ZBTB38: variants seen among roughly 807,000 people sequenced by gnomAD.
ZBTB38 encodes the protein zinc finger and BTB domain containing 38.
ZBTB38 carries 20 observed loss-of-function variants against 76.8 expected under a neutral mutation model. The ratio of observed to expected loss-of-function variants is 0.26; its 90% CI spans 0.18 to 0.38. ZBTB38 has a LOEUF of 0.38. ZBTB38 is among the 10% of genes least tolerant of loss of function. The pLI, the probability that ZBTB38 is intolerant of heterozygous loss-of-function variation, is 1.00. For missense variants in ZBTB38, 1,082 were observed against 1,482.3 expected (o/e 0.73, Z 4.43); for synonymous variants, 504 against 544.2 (o/e 0.93, Z 1.03).
intron 1 of ZBTB38, among the ~76,000 whole-genome samples, chr3:141,326,870 G>A (rs893770342): frequency 6.6e-5 from 10 of 152,138 alleles, no homozygotes; most frequent in African/African-American, 2.2e-4. Context: ...GGCCAGGCTC[G>A]TTTGTGGCAC....
chr3:141,431,339 A>ATATAT (rs35348152), intron 5 of ZBTB38, among the ~76,000 whole-genome samples: 3 of 102,406 alleles, frequency 2.9e-5, no homozygotes, highest in Non-Finnish European at 5.3e-5. Flanking sequence ...AAAAAAAAAA[A>ATATAT]AAATATATAT....
At position 141,357,659 on chromosome 3, in the gene ZBTB38, A is replaced by G. The variant is rs1028030500; in HGVS notation, c.-738-10962A>G. Among the ~76,000 whole-genome samples, 5 of 152,228 alleles carry G rather than the reference A, an allele frequency of 3.3e-5. 1 individual carries two copies. In the South Asian group the frequency reaches 1.0e-3, roughly 32 times the overall value. ...ATTCTCCTGCCTCGGCCTCCTGAGT[A>G]GCTGGGACTACAGGCACCCGCCACC... On this transcript the variant is annotated intron_variant, in intron 1 of 7. Coordinates refer to the ZBTB38 transcript ENST00000509842.
intron 1 of ZBTB38, among the ~76,000 whole-genome samples, chr3:141,329,200 C>T (rs1942767519): frequency 6.6e-6 from 1 of 152,230 alleles, no homozygotes; most frequent in African/African-American, 2.4e-5. Context: ...TTCTTAAGCA[C>T]TTAGCATAGT....
chr3:141,406,831 G>A (rs1165522857), intron 5 of ZBTB38, among the ~76,000 whole-genome samples: 1 of 152,186 alleles, frequency 6.6e-6, no homozygotes, highest in Non-Finnish European at 1.5e-5. Flanking sequence ...ACCGTGGAAG[G>A]TGAGGGATGA....
chr3:141,410,549 A>G (rs1956286944), intron 5 of ZBTB38, among the ~76,000 whole-genome samples: 1 of 152,206 alleles, frequency 6.6e-6, no homozygotes, highest in South Asian at 2.1e-4. Context: ...AGTCAGCAGC[A>G]AAGCTTAAAG....
intron 5 of ZBTB38, among the ~76,000 whole-genome samples, chr3:141,430,509 G>A (rs1374692989): frequency 6.6e-6 from 1 of 152,220 alleles, no homozygotes; most frequent in Non-Finnish European, 1.5e-5. Context: ...CCTGCCAGGT[G>A]CCATGGACCA....
chr3:141,405,637 T>C (rs1954094317), intron 5 of ZBTB38: 1 of 152,220 alleles, frequency 6.6e-6, no homozygotes, highest in East Asian at 1.9e-4. Context: ...AGAAATCAAA[T>C]CGCAAGACTT....
intron 1 of ZBTB38, among the ~76,000 whole-genome samples, chr3:141,350,700 T>C (rs1444888055): frequency 6.6e-6 from 1 of 152,254 alleles, no homozygotes; most frequent in African/African-American, 2.4e-5. Flanking sequence ...AATTGATATA[T>C]GAGTCAAAAG....
At chr3:141,374,043 T>C (rs972052985) in intron 2 of ZBTB38, among the ~76,000 whole-genome samples, 3 of 151,950 alleles carry the variant, frequency 2.0e-5, no homozygotes, top group Admixed American at 1.3e-4. Context: ...GGTATGAGAA[T>C]TGGTTGAACC....
rs368103729 is a variant in ZBTB38, at chr3:141,331,046, G to C, written c.-739+6590G>C. On this transcript the variant is annotated intron_variant, in intron 1 of 7. Transcript: ENST00000509842. Reference sequence around the variant, plus strand: ...CCCCATGTCTCCAGATCCTTATAATGATCAAAGAGAAGATATATGTAGAGT... The same window carrying C: ...CCCCATGTCTCCAGATCCTTATAATCATCAAAGAGAAGATATATGTAGAGT... Among the ~76,000 whole-genome samples, 454 of 152,312 alleles carry C rather than the reference G, an allele frequency of 3.0e-3. 5 individuals are homozygous for C. Among genetic ancestry groups the C allele is most frequent in the African/African-American group, 0.01 (418 of 41,570 alleles).
At chr3:141,440,804 G>A (rs2079966278) in intron 5 of ZBTB38, among the ~76,000 whole-genome samples, 1 of 152,156 alleles carries the variant, frequency 6.6e-6, no homozygotes, top group Non-Finnish European at 1.5e-5. Flanking sequence ...GGGAGGCTGA[G>A]GCGGGCAGAT....
At chr3:141,420,357 GC>G (rs2075085576) in intron 5 of ZBTB38, among the ~76,000 whole-genome samples, 1 of 152,190 alleles carries the variant, frequency 6.6e-6, no homozygotes, top group Non-Finnish European at 1.5e-5. Flanking sequence ...CCAAAGACCA[GC>G]CCAGAGACCA....
In ZBTB38 at chr3:141,444,327, G is replaced by A; in HGVS notation, c.1939G>A (p.Val647Ile). 6.2e-7 allele frequency: 1 copy of A among 1,614,190 alleles called. No individual in the cohort carries two copies. Among genetic ancestry groups the A allele is most frequent in the Non-Finnish European group, 8.5e-7 (1 of 1,180,038 alleles). The stretch of plus-strand genomic sequence containing the variant: ...TCAGGACATACCCACTTCTGCCAAT[G>A]TACAAAATGCAGAGGGTACCAAATG... ...ACQDIPTSANVQNAEGTKWGE... is the reference protein window; with the variant it reads ...ACQDIPTSANIQNAEGTKWGE... Residue 647 changes from valine (V) to isoleucine (I), a missense_variant, in exon 6 of 6, where the codon GTA becomes ATA. By Grantham distance (29) the Val-to-Ile change is conservative. Coordinates refer to ENST00000321464, the MANE Select transcript of ZBTB38 (RefSeq NM_001376113.1). This position sits in a 1 kb window ranked among gnomAD's most constrained non-coding sequence, Gnocchi z 5.1.
intron 3 of ZBTB38, among the ~76,000 whole-genome samples, chr3:141,381,806 T>C (rs1204613331): frequency 6.6e-6 from 1 of 152,184 alleles, no homozygotes; most frequent in African/African-American, 2.4e-5. Context: ...CTTGGCCTAC[T>C]TGACCTAGAA....
intron 1 of ZBTB38, among the ~76,000 whole-genome samples, chr3:141,355,247 C>G (rs1559918282): frequency 6.6e-6 from 1 of 152,104 alleles, no homozygotes; most frequent in Non-Finnish European, 1.5e-5. Flanking sequence ...AAGAATGTCA[C>G]ATTCCTGTAC....
At position 141,445,740 on chromosome 3, in the gene ZBTB38, C is replaced by T. The variant is rs1382678585; in HGVS notation, c.3352C>T (p.Arg1118Trp). Reference protein sequence around the residue: ...TKRNHEQRHIREHNGKGYACF... With the variant: ...TKRNHEQRHIWEHNGKGYACF... ...AAGGAATCACGAGCAGAGGCATATTCGGGAGCATAATGGGAAGGGCTATGC... is the reference window on the plus strand; with the variant it reads ...AAGGAATCACGAGCAGAGGCATATTTGGGAGCATAATGGGAAGGGCTATGC... The change falls in exon 6 of 6, where the codon CGG (arginine) becomes TGG (tryptophan). Residue 1118 changes from arginine (R) to tryptophan (W), a missense_variant. Physicochemically the swap from Arg to Trp is moderately radical, Grantham distance 101. This residue lies in a region of ZBTB38 where 69 missense variants were observed against 148.2 expected (regional missense o/e 0.47). Transcript: ENST00000321464. This position sits in a 1 kb window ranked among gnomAD's most constrained non-coding sequence, Gnocchi z 6.5. 5.0e-6 allele frequency: 8 copies of T among 1,614,204 alleles called. No homozygotes were observed. Among genetic ancestry groups the T allele is most frequent in the South Asian group, 2.2e-5 (2 of 91,084 alleles).
chr3:141,439,907 GA>G (rs1054789639), intron 5 of ZBTB38, among the ~76,000 whole-genome samples: 3 of 152,186 alleles, frequency 2.0e-5, no homozygotes, highest in African/African-American at 7.2e-5. Context: ...GCCCAGAGCC[GA>G]GAGACTTGAA....
Position 141,443,113 on chromosome 3 carries a change from G to T in ZBTB38, c.725G>T (p.Gly242Val), listed in dbSNP as rs760560342. 4 of 1,614,192 alleles carry T rather than the reference G, an allele frequency of 2.5e-6. No homozygotes were observed. The highest frequency in any genetic ancestry group is 1.1e-5 in the South Asian group (1 of 91,084). Residue 242 changes from glycine to valine, a missense_variant, in exon 6 of 6, where the codon GGC becomes GTC. This residue lies in a region of ZBTB38 where 324 missense variants were observed against 359.1 expected (regional missense o/e 0.90). Transcript: ENST00000321464. This position sits in a 1 kb window ranked among gnomAD's most constrained non-coding sequence, Gnocchi z 5.6. ...AGTCAGCCTGTACGTGAACATGATGGCAGTTCACCTGGTAACACAGGGAAA... is the reference window on the plus strand; with the variant it reads ...AGTCAGCCTGTACGTGAACATGATGTCAGTTCACCTGGTAACACAGGGAAA... ...YRSQPVREHD[G>V]SSPGNTGKEN...
chr3:141,339,445 A>G (rs1010086494), intron 1 of ZBTB38, among the ~76,000 whole-genome samples: 3 of 152,204 alleles, frequency 2.0e-5, no homozygotes, highest in African/African-American at 7.2e-5. Context: ...GGGGAAGAGT[A>G]GATTTAAGGA....
Sources: gnomAD v4.1 joint callset for allele counts (sites outside exome capture counted in the v4.1 genomes callset) on GRCh38, gnomAD v4.1.1 for gene constraint, gnomAD v4.1.1 regional missense constraint, Gnocchi (gnomAD v3.1) non-coding constraint, MANE v1.5 for transcripts, NCBI Gene and HGNC (gene_info 2026-07-23, HGNC 2026-07-21) for gene names.